MAPKAP1: variants seen among roughly 807,000 people sequenced by gnomAD.
MAPKAP1 encodes target of rapamycin complex 2 subunit MAPKAP1.
In MAPKAP1, 20 loss-of-function variants were observed where a neutral mutation model predicts 65.7. That is an observed-to-expected ratio of 0.30 (90% CI 0.21 to 0.44). The LOEUF is 0.44. MAPKAP1 is among the 20% of genes least tolerant of loss of function. MAPKAP1 has a pLI of 1.00. For synonymous variants in MAPKAP1, 222 were observed against 244.3 expected (o/e 0.91, Z 0.85); for missense variants, 423 against 648.0 (o/e 0.65, Z 3.77).
At chr9:125,518,419 G>A (rs1465080707) in intron 7 of MAPKAP1, among the ~76,000 whole-genome samples, 1 of 151,578 alleles carries the variant, frequency 6.6e-6, no homozygotes, top group African/African-American at 2.4e-5. Context: ...CATTACATCT[G>A]TAATCCCAAC....
At chr9:125,529,067 G>A (rs947322947) in intron 7 of MAPKAP1, among the ~76,000 whole-genome samples, 4 of 151,134 alleles carry the variant, frequency 2.6e-5, no homozygotes, top group South Asian at 2.1e-4. Context: ...CCAGCTACTC[G>A]GGAAGTTGAG....
chr9:125,556,715 G>A (rs571187038), intron 6 of MAPKAP1, among the ~76,000 whole-genome samples: 3 of 152,306 alleles, frequency 2.0e-5, no homozygotes, highest in East Asian at 3.9e-4. Context: ...TATTTATTTT[G>A]CTGGGATTTC....
rs1477515857 is a variant in MAPKAP1, at chr9:125,447,224, T to C, written c.1346-2626A>G. 2 of 363,016 alleles carry C rather than the reference T, an allele frequency of 5.5e-6. No homozygotes were observed. The highest frequency in any genetic ancestry group is 1.1e-5 in the Non-Finnish European group (2 of 179,106). The allele number at this position is 363,016 out of a possible 1,614,324, so 22.5% of individuals were successfully genotyped here. A position where few individuals can be genotyped will look rare whatever the true frequency, so the allele number is the denominator to read the frequency against. On this transcript the variant is annotated intron_variant, in intron 10 of 11. Coordinates refer to ENST00000265960, the MANE Select transcript of MAPKAP1 (RefSeq NM_001006617.3). The surrounding 1 kb of genome is among the most constrained non-coding windows in gnomAD (Gnocchi z 4.5). ...CCCAGGGCTCATTCCAGCACCCATCTGAGGAAGAGTGAAGCAGGTGAGGAG... is the reference window on the plus strand; with the variant it reads ...CCCAGGGCTCATTCCAGCACCCATCCGAGGAAGAGTGAAGCAGGTGAGGAG...
chr9:125,521,678 C>A, intron 7 of MAPKAP1: 1 of 1,589,178 alleles, frequency 6.3e-7, no homozygotes, highest in Admixed American at 1.8e-5. Flanking sequence ...ACATCCAGTC[C>A]AGTACTCAAA....
chr9:125,504,442 G>A (rs1829078554), intron 8 of MAPKAP1, among the ~76,000 whole-genome samples: 1 of 152,066 alleles, frequency 6.6e-6, no homozygotes, highest in African/African-American at 2.4e-5. Context: ...TGAATTTTGT[G>A]CATGCTCGGC....
intron 4 of MAPKAP1, among the ~76,000 whole-genome samples, chr9:125,619,169 T>C (rs565603355): frequency 1.3e-5 from 2 of 152,300 alleles, no homozygotes; most frequent in Admixed American, 1.3e-4. Flanking sequence ...TACTATCTTC[T>C]GCTTAGTATA....
intron 5 of MAPKAP1, among the ~76,000 whole-genome samples, chr9:125,578,607 G>A (rs1253714450): frequency 6.6e-6 from 1 of 152,162 alleles, no homozygotes; most frequent in Non-Finnish European, 1.5e-5. Context: ...AGCTCAGATT[G>A]CTGATGAAGC....
In MAPKAP1 at chr9:125,542,450, T is replaced by C. The variant is rs181085489; in HGVS notation, c.958+609A>G. Among the ~76,000 whole-genome samples the C allele has an allele frequency of 2.0e-4, 30 of 152,384 alleles. No individual in the cohort carries two copies. The East Asian group carries it at 5.6e-3, about 28-fold the overall frequency. On this transcript the variant is annotated intron_variant, in intron 7 of 11. Transcript: ENST00000265960. ...TGTGATATGACAAATCTTTGAGCTATTTCTCAAGATGATTATTTCTCAATC... is the reference window on the plus strand; with the variant it reads ...TGTGATATGACAAATCTTTGAGCTACTTCTCAAGATGATTATTTCTCAATC...
chr9:125,587,251 G>T (rs1425818572), intron 4 of MAPKAP1, among the ~76,000 whole-genome samples: 1 of 152,136 alleles, frequency 6.6e-6, no homozygotes, highest in Non-Finnish European at 1.5e-5. Flanking sequence ...TAAATAAATT[G>T]AACTTCATTA....
intron 7 of MAPKAP1, among the ~76,000 whole-genome samples, chr9:125,507,043 T>C (rs1829161585): frequency 6.6e-6 from 1 of 152,156 alleles, no homozygotes; most frequent in Non-Finnish European, 1.5e-5. Context: ...GTTACGATGA[T>C]GAAAAGACAG....
At chr9:125,625,647 T>C (rs1833095851) in intron 4 of MAPKAP1, among the ~76,000 whole-genome samples, 1 of 151,984 alleles carries the variant, frequency 6.6e-6, no homozygotes, top group African/African-American at 2.4e-5. Flanking sequence ...ATACAAAAAT[T>C]AGCCTGGCGT....
intron 5 of MAPKAP1, among the ~76,000 whole-genome samples, chr9:125,577,102 C>G (rs1403053024): frequency 6.6e-6 from 1 of 151,572 alleles, no homozygotes; most frequent in Non-Finnish European, 1.5e-5. Flanking sequence ...GCCATCCCAT[C>G]TAGGAAGTGA....
At chr9:125,642,287 G>A (rs1477855081) in intron 4 of MAPKAP1, among the ~76,000 whole-genome samples, 1 of 152,034 alleles carries the variant, frequency 6.6e-6, no homozygotes, top group Non-Finnish European at 1.5e-5. Flanking sequence ...TTTACATTTT[G>A]TGTACATCCT....
intron 6 of MAPKAP1, among the ~76,000 whole-genome samples, chr9:125,556,901 G>A (rs539172246): frequency 3.3e-5 from 5 of 152,256 alleles, no homozygotes; most frequent in South Asian, 2.1e-4. Flanking sequence ...TTCATCAGAC[G>A]ACTGAGAAAA....
intron 6 of MAPKAP1, among the ~76,000 whole-genome samples, chr9:125,544,422 C>T (rs1004115294): frequency 6.6e-6 from 1 of 152,126 alleles, no homozygotes; most frequent in African/African-American, 2.4e-5. Flanking sequence ...AACACTTACA[C>T]TCCTTGTAAG....
intron 7 of MAPKAP1, among the ~76,000 whole-genome samples, chr9:125,511,980 T>G (rs573765382): frequency 1.3e-5 from 2 of 152,332 alleles, no homozygotes; most frequent in Admixed American, 1.3e-4. Flanking sequence ...TTGGGCACTT[T>G]GGGAGGGTTC....
chr9:125,686,830 GTTT>G (rs199569908), intron 1 of MAPKAP1, among the ~76,000 whole-genome samples: 1 of 145,502 alleles, frequency 6.9e-6, no homozygotes, highest in Non-Finnish European at 1.5e-5. Context: ...TTTTGTTTTG[GTTT>G]TTTTTTTTTG....
At chr9:125,479,706 G>T (rs1018740021) in intron 9 of MAPKAP1, among the ~76,000 whole-genome samples, 5 of 152,110 alleles carry the variant, frequency 3.3e-5, no homozygotes, top group Non-Finnish European at 5.9e-5. Flanking sequence ...CACCCCATCA[G>T]AAGACAAGCA....
At chr9:125,702,755 G>A (rs1292994452) in intron 1 of MAPKAP1, among the ~76,000 whole-genome samples, 2 of 151,776 alleles carry the variant, frequency 1.3e-5, no homozygotes, top group African/African-American at 4.8e-5. Context: ...AGGAGGCTGA[G>A]GCAAGAGAAT....
Sources: gnomAD v4.1 joint callset for allele counts (sites outside exome capture counted in the v4.1 genomes callset) on GRCh38, gnomAD v4.1.1 for gene constraint, Gnocchi (gnomAD v3.1) non-coding constraint, MANE v1.5 for transcripts, NCBI Gene and HGNC (gene_info 2026-07-23, HGNC 2026-07-21) for gene names.